ASIC4: variants seen among roughly 807,000 people sequenced by gnomAD.
The protein encoded by ASIC4 is acid sensing ion channel subunit family member 4.
ASIC4 carries 28 observed loss-of-function variants against 53.4 expected under a neutral mutation model. The observed-to-expected ratio is 0.52, with a 90% CI of 0.39 to 0.72. The LOEUF (loss-of-function observed/expected upper bound fraction) is 0.72. Among genes scored for constraint, ASIC4 ranks in the 30% least tolerant of loss-of-function variants. The pLI is 0.00. For missense variants in ASIC4, 649 were observed against 729.7 expected, an observed-to-expected ratio of 0.89 and a Z score of 1.27; for synonymous variants, 289 against 301.4, an observed-to-expected ratio of 0.96 and a Z score of 0.43.
upstream of ASIC4, among the ~76,000 whole-genome samples, chr2:219,511,382 T>G (rs1260861491): frequency 1.0e-4 from 15 of 145,418 alleles, no homozygotes; most frequent in Admixed American, 4.7e-4. This position sits in a 1 kb window ranked among gnomAD's most constrained non-coding sequence, Gnocchi z 5.3. Context: ...TCCCCCCGAC[T>G]GCATGCACTG....
chr2:219,535,379 TGGGGG>T, intron 6 of ASIC4, 55 bp downstream of exon 6: 1 of 1,467,086 alleles, frequency 6.8e-7, no homozygotes, highest in Admixed American at 2.2e-5. Context: ...TACGTGTGTG[TGGGGG>T]GTGGCTGTGT....
At chr2:219,510,847 C>G (rs1694691432), upstream of ASIC4, among the ~76,000 whole-genome samples, 1 of 151,952 alleles carries the variant, frequency 6.6e-6, no homozygotes, top group Admixed American at 6.6e-5. This position sits in a 1 kb window ranked among gnomAD's most constrained non-coding sequence, Gnocchi z 5.2. Context: ...CCCCACCCCC[C>G]TTCTCTGGGA....
In ASIC4 at chr2:219,531,775, G is replaced by A; in HGVS notation, c.600G>A (p.Gly200=). 2 of 1,605,118 alleles carry A rather than the reference G, an allele frequency of 1.2e-6. No individual in the cohort carries two copies. The highest frequency in any genetic ancestry group is 1.1e-5 in the South Asian group (1 of 89,606). ...CCTCCCAGGTCTATACTCGCTATGGGAAGTGTTACACCTTCAACGCGGACC... is the reference window on the plus strand; with the variant it reads ...CCTCCCAGGTCTATACTCGCTATGGAAAGTGTTACACCTTCAACGCGGACC... ...SNFSVVYTRY[G]KCYTFNADPR... The change falls in exon 2 of 10, where the codon GGG becomes GGA. Residue 200 remains glycine, a synonymous_variant. Coordinates refer to ENST00000358078, the MANE Select transcript of ASIC4 (RefSeq NM_018674.6).
In ASIC4 at chr2:219,518,143, C is replaced by T. The variant is rs1254886560; in HGVS notation, c.582+2837C>T. Among the ~76,000 whole-genome samples, 1 of 152,156 alleles carries T rather than the reference C, an allele frequency of 6.6e-6. No homozygotes were observed. Among genetic ancestry groups the T allele is most frequent in the African/African-American group, 2.4e-5 (1 of 41,430 alleles). On this transcript the variant is annotated intron_variant, in intron 1 of 9. Transcript: ENST00000358078. The surrounding 1 kb of genome is among the most constrained non-coding windows in gnomAD (Gnocchi z 4.8). ...TGCCTACTATGTGTTGGGCTCCCTG[C>T]TCAGAGCTGTGGAGGACAGCAAAGA...
At chr2:219,521,857 G>A (rs1270788413) in intron 1 of ASIC4, among the ~76,000 whole-genome samples, 1 of 152,270 alleles carries the variant, frequency 6.6e-6, no homozygotes, top group Admixed American at 6.5e-5. Context: ...GGCCCGAGGG[G>A]AGAAGATCTG....
Position 219,537,528 on chromosome 2 carries a change from T to C in ASIC4, c.1402-104T>C. On this transcript the variant is annotated intron_variant, in intron 8 of 9. Transcript: ENST00000358078. The surrounding 1 kb of genome is among the most constrained non-coding windows in gnomAD (Gnocchi z 4.9). Reference sequence around the variant, plus strand: ...GGAGGAGGGTGTCCTACTGGGAGTTTGCTGTGGCAGTAAGTCCTGTGGGCA... The same window carrying C: ...GGAGGAGGGTGTCCTACTGGGAGTTCGCTGTGGCAGTAAGTCCTGTGGGCA... 1 of 1,120,830 alleles carries C rather than the reference T, an allele frequency of 8.9e-7. No homozygotes were observed. Among genetic ancestry groups the C allele is most frequent in the Non-Finnish European group, 1.3e-6 (1 of 776,404 alleles). 69.4% of individuals were successfully genotyped at this position (1,120,830 alleles called of 1,614,324 possible).
At position 219,533,046 on chromosome 2, in the gene ASIC4, G is replaced by T. The variant is rs777820874; in HGVS notation, c.1075+107G>T. 21 of 1,266,550 alleles carry T rather than the reference G, an allele frequency of 1.7e-5. No homozygotes were observed. In the African/African-American group the frequency reaches 2.3e-4, roughly 14 times the overall value. 78.5% of individuals were successfully genotyped at this position (1,266,550 alleles called of 1,614,324 possible). A position where few individuals can be genotyped will look rare whatever the true frequency, so the allele number is the denominator to read the frequency against. On this transcript the variant is annotated intron_variant, in intron 5 of 9. Coordinates refer to ENST00000358078, the MANE Select transcript of ASIC4 (RefSeq NM_018674.6). ...TCCCCTCCCAATCTCTTCCTGGAGG[G>T]TTCTTCCTGGGGGTTGAGCCTTAGC...
chr2:219,535,425 G>C, intron 6 of ASIC4, 101 bp downstream of exon 6: 1 of 1,323,310 alleles, frequency 7.6e-7, no homozygotes, highest in East Asian at 2.6e-5. Context: ...GTGAGTGTAT[G>C]TGTGTATGTG....
intron 1 of ASIC4, among the ~76,000 whole-genome samples, chr2:219,530,398 C>G (rs772987993): frequency 1.4e-4 from 22 of 152,124 alleles, no homozygotes; most frequent in Non-Finnish European, 2.8e-4. Context: ...GGGAGCCGGG[C>G]TTCTGTGCGG....
upstream of ASIC4, among the ~76,000 whole-genome samples, chr2:219,510,924 G>A (rs1170162886): frequency 6.6e-6 from 1 of 151,680 alleles, no homozygotes; most frequent in African/African-American, 2.4e-5. This position sits in a 1 kb window ranked among gnomAD's most constrained non-coding sequence, Gnocchi z 5.2. Flanking sequence ...GCCGCCGTCC[G>A]CCCCCCGCCC....
In ASIC4 at chr2:219,520,922, G is replaced by A. The variant is rs187578561; in HGVS notation, c.582+5616G>A. Reference sequence around the variant, plus strand: ...TTGCCCTGTGTGAGGAGCCCAGCATGGCTGGGTCTTCCAGTCTGTCAAAAG... The same window carrying A: ...TTGCCCTGTGTGAGGAGCCCAGCATAGCTGGGTCTTCCAGTCTGTCAAAAG... On this transcript the variant is annotated intron_variant, in intron 1 of 9. Transcript: ENST00000358078. 7.8e-4 allele frequency among the ~76,000 whole-genome samples: 119 copies of A among 152,320 alleles called. 1 individual carries two copies. The South Asian group carries it at 0.013, about 16-fold the overall frequency.
intron 1 of ASIC4, among the ~76,000 whole-genome samples, chr2:219,522,645 C>G (rs1165083283): frequency 6.6e-6 from 1 of 151,934 alleles, no homozygotes; most frequent in Non-Finnish European, 1.5e-5. Context: ...CTCAGTGCCC[C>G]CGGCCCCGGG....
rs1216593374 is a variant in ASIC4 at position 219,514,850 on chromosome 2, G to A, written c.126G>A (p.Leu42=). ...AVAPGAAPRD[L]ATFASTSTLH... is the part of the protein sequence containing the mutation. ...CCCCTGGAGCAGCCCCCCGAGACCT[G>A]GCCACCTTTGCCAGCACCAGCACCC... is the stretch of plus-strand genomic sequence containing the variant. The change falls in exon 1 of 10, where the codon CTG becomes CTA. Residue 42 remains leucine, a synonymous_variant. Coordinates refer to ENST00000358078, the MANE Select transcript of ASIC4 (RefSeq NM_018674.6). 6.2e-6 allele frequency: 10 copies of A among 1,612,894 alleles called. No individual in the cohort carries two copies. The highest frequency in any genetic ancestry group is 1.7e-5 in the Admixed American group (1 of 59,988).
At chr2:219,535,714 G>T (rs1387834104) in intron 6 of ASIC4, among the ~76,000 whole-genome samples, 1 of 151,724 alleles carries the variant, frequency 6.6e-6, no homozygotes, top group African/African-American at 2.4e-5. Flanking sequence ...GGAGTGGGCC[G>T]CATCTCTATG....
chr2:219,524,567 G>A (rs1289057277), intron 1 of ASIC4, among the ~76,000 whole-genome samples: 1 of 152,278 alleles, frequency 6.6e-6, no homozygotes, highest in Non-Finnish European at 1.5e-5. Flanking sequence ...TGGTTGCTAT[G>A]ATTTACGTAC....
Position 219,536,409 on chromosome 2 carries a change from G to A in ASIC4, c.1230-657G>A, listed in dbSNP as rs976808378. On this transcript the variant is annotated intron_variant, in intron 6 of 9. Coordinates refer to ENST00000358078, the MANE Select transcript of ASIC4 (RefSeq NM_018674.6). This position sits in a 1 kb window ranked among gnomAD's most constrained non-coding sequence, Gnocchi z 4.6. The stretch of plus-strand genomic sequence containing the variant: ...TGCCAGGCTCAGTGCTGGGTTCTGT[G>A]GGGACAGATGATTATGACACAAAAC... Among the ~76,000 whole-genome samples the A allele has an allele frequency of 9.2e-5, 14 of 152,200 alleles. No individual in the cohort carries two copies. The highest frequency in any genetic ancestry group is 1.9e-4 in the Non-Finnish European group (13 of 68,038).
rs148161677 is a variant in ASIC4, at chr2:219,523,804, T to C, written c.583-7954T>C. ...CCTGGTGCAGTTCAAAGTGTTTATG[T>C]TGTAAGTGCCCCATAAGCACTTTTT... On this transcript the variant is annotated intron_variant, in intron 1 of 9. Coordinates refer to ENST00000358078, the MANE Select transcript of ASIC4 (RefSeq NM_018674.6). Among the ~76,000 whole-genome samples, 1,493 of 149,476 alleles carry C rather than the reference T, an allele frequency of 1.0e-2. 28 individuals carry two copies. The highest frequency in any genetic ancestry group is 0.035 in the African/African-American group (1,417 of 39,984).
At position 219,518,649 on chromosome 2, in the gene ASIC4, C is replaced by T. The variant is rs1407647256; in HGVS notation, c.582+3343C>T. Among the ~76,000 whole-genome samples, 1 of 152,080 alleles carries T rather than the reference C, an allele frequency of 6.6e-6. No individual in the cohort carries two copies. Among genetic ancestry groups the T allele is most frequent in the Admixed American group, 6.6e-5 (1 of 15,258 alleles). On this transcript the variant is annotated intron_variant, in intron 1 of 9. Coordinates refer to ENST00000358078, the MANE Select transcript of ASIC4 (RefSeq NM_018674.6). This position sits in a 1 kb window ranked among gnomAD's most constrained non-coding sequence, Gnocchi z 4.8. ...CTGATTCCTGCCGCCATCTGCTACC[C>T]ACACCCCCTTCCTCCAAGCCCCAGT...
chr2:219,535,391 G>A (rs2105980834), intron 6 of ASIC4, 67 bp downstream of exon 6: 1 of 1,455,838 alleles, frequency 6.9e-7, no homozygotes, highest in East Asian at 2.5e-5. Flanking sequence ...GGGGGTGGCT[G>A]TGTGACTCTG....
Sources: gnomAD v4.1 joint callset for allele counts (sites outside exome capture counted in the v4.1 genomes callset) on GRCh38, gnomAD v4.1.1 for gene constraint, Gnocchi (gnomAD v3.1) non-coding constraint, MANE v1.5 for transcripts, NCBI Gene and HGNC (gene_info 2026-07-23, HGNC 2026-07-21) for gene names.